The following GALNT15 variants were observed in gnomAD, a reference collection of about 807,000 sequenced individuals.
GALNT15 encodes UDP-GalNAc transferase T15.
In GALNT15, 67 loss-of-function variants were observed where a neutral mutation model predicts 66.8. The ratio of observed to expected loss-of-function variants is 1.00; its 90% confidence interval spans 0.82 to 1.23. The LOEUF is 1.23. Among genes scored for constraint, GALNT15 ranks in the 50% most tolerant of loss-of-function variants. The probability of loss-of-function intolerance (pLI) is 0.00; values close to 1 mark genes in which losing one functional copy is unlikely to be tolerated. For synonymous variants in GALNT15, 313 were observed against 311.5 expected (o/e 1.00, Z -0.05); for missense variants, 827 against 804.3 (o/e 1.03, Z -0.34).
chr3:16,225,988 G>A lies in GALNT15; in HGVS notation c.1774-1366G>A, dbSNP rs1158672050. ...CGCTTGAACCTGGGAGATGGAGGTT[G>A]CAATGAGCCGAGATCACACCACTGT... On this transcript the variant is annotated intron_variant, in intron 9 of 9. Coordinates refer to ENST00000339732, the MANE Select transcript of GALNT15 (RefSeq NM_054110.5). This position sits in a 1 kb window ranked among gnomAD's most constrained non-coding sequence, Gnocchi z 4.4. Among the ~76,000 whole-genome samples, 1 of 151,640 alleles carries A rather than the reference G, an allele frequency of 6.6e-6. No individual in the cohort carries two copies. The highest frequency in any genetic ancestry group is 2.4e-5 in the African/African-American group (1 of 41,222).
chr3:16,232,469 AATATATATATATATATATATATATAT>A (rs374444719), downstream of GALNT15, among the ~76,000 whole-genome samples: 1 of 38,742 alleles, frequency 2.6e-5, no homozygotes, highest in Non-Finnish European at 5.4e-5. Flanking sequence ...TAAATAAATA[AATATATATATATATATATATATATAT>A]ATATATATAT....
rs1035895241 is a variant in GALNT15, at chr3:16,204,426, G to A, written c.911+3603G>A. On this transcript the variant is annotated intron_variant, in intron 3 of 9. Transcript: ENST00000339732. The surrounding 1 kb of genome is among the most constrained non-coding windows in gnomAD (Gnocchi z 4.5). Reference sequence around the variant, plus strand: ...TTGGGTTGCACAGTGCGCAACTCCTGTAACTGTTCATAGCAACCCTACATA... The same window carrying A: ...TTGGGTTGCACAGTGCGCAACTCCTATAACTGTTCATAGCAACCCTACATA... Among the ~76,000 whole-genome samples the A allele has an allele frequency of 6.6e-6, 1 of 152,288 alleles. No individual in the cohort carries two copies. The highest frequency in any genetic ancestry group is 2.1e-4 in the South Asian group (1 of 4,834).
Position 16,222,605 on chromosome 3 carries a change from T to G in GALNT15, c.1630-10T>G, listed in dbSNP as rs778889697. Reference sequence around the variant, plus strand: ...TCTAGCTGCGCTAACAACTATTGCTTCTGTCACAGTACCTGCAGCACACCA... The same window carrying G: ...TCTAGCTGCGCTAACAACTATTGCTGCTGTCACAGTACCTGCAGCACACCA... On this transcript the variant is annotated splice_polypyrimidine_tract_variant and intron_variant, in intron 8 of 9. Transcript: ENST00000339732. The G allele has an allele frequency of 1.2e-6, 2 of 1,614,178 alleles. No individual in the cohort carries two copies. Among genetic ancestry groups the G allele is most frequent in the Non-Finnish European group, 1.7e-6 (2 of 1,179,998 alleles).
the GALNT15 span, among the ~76,000 whole-genome samples, chr3:16,247,097 A>AGTGTGTGTGTGT: frequency 4.1e-5 from 6 of 144,800 alleles, no homozygotes; most frequent in African/African-American, 1.0e-4. Flanking sequence ...CAAAGACTGT[A>AGTGTGTGTGTGT]GTGTGTGTGT....
chr3:16,190,404 C>T (rs2063561813), intron 1 of GALNT15, among the ~76,000 whole-genome samples: 2 of 152,062 alleles, frequency 1.3e-5, no homozygotes, highest in Admixed American at 1.3e-4. Context: ...TTTGGGAGGC[C>T]GAGATGGGAG....
rs988770045 is a variant in GALNT15, at chr3:16,175,325, C to T, written c.174C>T (p.Arg58=). The change falls in exon 1 of 10, where the codon CGC becomes CGT. Residue 58 remains arginine, a synonymous_variant. Transcript: ENST00000339732. This position sits in a 1 kb window ranked among gnomAD's most constrained non-coding sequence, Gnocchi z 5.6. ...AGCACAGCCCTGAAGCCAGGTACCG[C>T]CTGGACTTTGGGGAATCCCAGGATT... ...ASKHSPEARY[R]LDFGESQDWV... 6.2e-7 allele frequency: 1 copy of T among 1,614,148 alleles called. No homozygotes were observed. Among genetic ancestry groups the T allele is most frequent in the Non-Finnish European group, 8.5e-7 (1 of 1,180,028 alleles).
intron 9 of GALNT15, among the ~76,000 whole-genome samples, 168 bp downstream of exon 9, chr3:16,222,926 C>A (rs2063962324): frequency 6.6e-6 from 1 of 152,150 alleles, no homozygotes; most frequent in Admixed American, 6.5e-5. Flanking sequence ...AAAGGCAACC[C>A]AGCAGCAAAG....
At chr3:16,207,588 C>A (rs6766496) in intron 3 of GALNT15, among the ~76,000 whole-genome samples, 118,258 of 118,260 alleles carry the variant, frequency 1, 59,128 homozygotes, top group Middle Eastern at 1. Flanking sequence ...GAGCAAATAA[C>A]CCAAAATAGT....
chr3:16,237,646 A>G, the GALNT15 span, among the ~76,000 whole-genome samples: 7 of 152,204 alleles, frequency 4.6e-5, no homozygotes, highest in African/African-American at 1.7e-4. The surrounding 1 kb of genome is among the most constrained non-coding windows in gnomAD (Gnocchi z 4.2). Flanking sequence ...TCTTAGAGAT[A>G]AAGTCCTGTT....
chr3:16,213,951 G>C (rs751554003), intron 6 of GALNT15, among the ~76,000 whole-genome samples: 1 of 152,220 alleles, frequency 6.6e-6, no homozygotes, highest in Non-Finnish European at 1.5e-5. Context: ...AGGGCTCCAT[G>C]AACTTCAAGG....
At chr3:16,177,213 GAACA>G (rs1183872909) in intron 1 of GALNT15, among the ~76,000 whole-genome samples, 6 of 152,210 alleles carry the variant, frequency 3.9e-5, no homozygotes, top group Admixed American at 1.3e-4. Context: ...ATTGCTGAAT[GAACA>G]AACATAGTTT....
rs756546291 is a variant in GALNT15, at chr3:16,200,572, G to A, written c.707-47G>A. The A allele has an allele frequency of 3.1e-5, 43 of 1,398,468 alleles. No individual in the cohort carries two copies. The highest frequency in any genetic ancestry group is 3.7e-5 in the Non-Finnish European group (39 of 1,044,524). 86.6% of individuals were successfully genotyped at this position (1,398,468 alleles called of 1,614,324 possible). Reference sequence around the variant, plus strand: ...CGATTGTCTTAGTCACAATCTCATCGGTTGTGGCATTTGTCATTCCACTGA... The same window carrying A: ...CGATTGTCTTAGTCACAATCTCATCAGTTGTGGCATTTGTCATTCCACTGA... On this transcript the variant is annotated intron_variant, in intron 2 of 9. Coordinates refer to ENST00000339732, the MANE Select transcript of GALNT15 (RefSeq NM_054110.5). The surrounding 1 kb of genome is among the most constrained non-coding windows in gnomAD (Gnocchi z 4.4).
rs1212244146 is a variant in GALNT15, at chr3:16,176,788, A to G, written c.539+1098A>G. ...ACATTTGTGCAGGGCAGCAGTTGGAAGCAGGGCCACACACTCTTCGGATCC... is the reference window on the plus strand; with the variant it reads ...ACATTTGTGCAGGGCAGCAGTTGGAGGCAGGGCCACACACTCTTCGGATCC... On this transcript the variant is annotated intron_variant, in intron 1 of 9. Coordinates refer to ENST00000339732, the MANE Select transcript of GALNT15 (RefSeq NM_054110.5). This position sits in a 1 kb window ranked among gnomAD's most constrained non-coding sequence, Gnocchi z 5.6. 1.3e-5 allele frequency among the ~76,000 whole-genome samples: 2 copies of G among 152,212 alleles called. No homozygotes were observed. The highest frequency in any genetic ancestry group is 2.9e-5 in the Non-Finnish European group (2 of 68,038).
downstream of GALNT15, among the ~76,000 whole-genome samples, chr3:16,232,231 T>C (rs568718557): frequency 1.3e-5 from 2 of 151,784 alleles, no homozygotes; most frequent in South Asian, 4.2e-4. Context: ...AGTAATTTTG[T>C]TACTGAGACT....
the GALNT15 span, among the ~76,000 whole-genome samples, chr3:16,247,834 G>A: frequency 6.6e-6 from 1 of 152,172 alleles, no homozygotes; most frequent in African/African-American, 2.4e-5. Context: ...TTTTAGCACT[G>A]AGGATCTAAC....
chr3:16,215,906 CAAAAA>C (rs10611187), intron 6 of GALNT15, among the ~76,000 whole-genome samples: 33 of 102,608 alleles, frequency 3.2e-4, no homozygotes, highest in Admixed American at 3.2e-4. Flanking sequence ...GAGACTCCGC[CAAAAA>C]AAAAAAAAAA....
intron 6 of GALNT15, among the ~76,000 whole-genome samples, chr3:16,215,144 A>G (rs1470771836): frequency 2.0e-5 from 3 of 152,258 alleles, no homozygotes; most frequent in Non-Finnish European, 4.4e-5. Flanking sequence ...GCCTAATGCA[A>G]CAGCATGCAA....
At chr3:16,232,451 A>AAAATAAATAAAT (rs1194898714), downstream of GALNT15, among the ~76,000 whole-genome samples, 119 of 67,690 alleles carry the variant, frequency 1.8e-3, 3 homozygotes, top group Non-Finnish European at 2.2e-3. Flanking sequence ...GCCTGGCCTC[A>AAAATAAATAAAT]AAATAAATAA....
In GALNT15 at chr3:16,227,484, C is replaced by T; in HGVS notation, c.1904C>T (p.Ala635Val). Residue 635 changes from alanine (A) to valine (V), a missense_variant, in exon 10 of 10, where the codon GCT becomes GTT. By Grantham distance (64) the Ala-to-Val change is moderately conservative. Coordinates refer to ENST00000339732, the MANE Select transcript of GALNT15 (RefSeq NM_054110.5). This position sits in a 1 kb window ranked among gnomAD's most constrained non-coding sequence, Gnocchi z 4.5. ...CAGTGGCGTTTTGACCAGATCAATG[C>T]TGTGGATGAACGATGAATGTCAATG... is the stretch of plus-strand genomic sequence containing the variant. ...RQQWRFDQIN[A>V]VDER is the part of the protein sequence containing the mutation. The T allele has an allele frequency of 1.2e-6, 2 of 1,614,124 alleles. No individual in the cohort carries two copies. Among genetic ancestry groups the T allele is most frequent in the Non-Finnish European group, 1.7e-6 (2 of 1,180,016 alleles).
Sources: gnomAD v4.1 joint callset for allele counts (sites outside exome capture counted in the v4.1 genomes callset) on GRCh38, gnomAD v4.1.1 for gene constraint, Gnocchi (gnomAD v3.1) non-coding constraint, MANE v1.5 for transcripts, NCBI Gene and HGNC (gene_info 2026-07-23, HGNC 2026-07-21) for gene names.